Variants in LRBA observed in about 807,000 individuals in gnomAD.
LRBA encodes lipopolysaccharide-responsive and beige-like anchor protein.
LRBA carries 176 observed loss-of-function variants against 330.0 expected under a neutral mutation model. The observed-to-expected ratio is 0.53, with a 90% confidence interval of 0.47 to 0.60. The LOEUF (loss-of-function observed/expected upper bound fraction) is 0.60, where lower values mean the gene tolerates loss of function less well. LRBA is among the 20% of genes least tolerant of loss of function. The probability of loss-of-function intolerance (pLI) is 0.00; values close to 1 mark genes in which losing one functional copy is unlikely to be tolerated. For synonymous variants in LRBA, 1,230 were observed against 1,193.0 expected (o/e 1.03, Z -0.64); for missense variants, 3,259 against 3,444.8 (o/e 0.95, Z 1.35).
At chr4:150,989,873 C>G (rs1347543201) in intron 2 of LRBA, among the ~76,000 whole-genome samples, 1 of 151,818 alleles carries the variant, frequency 6.6e-6, no homozygotes, top group Non-Finnish European at 1.5e-5. Flanking sequence ...CCTGTAATCA[C>G]AGAACTTTGG....
intron 40 of LRBA, among the ~76,000 whole-genome samples, chr4:150,494,670 C>G (rs1294429232): frequency 6.6e-6 from 1 of 152,138 alleles, no homozygotes; most frequent in African/African-American, 2.4e-5. Flanking sequence ...TGTCATAGTC[C>G]TTTAAAATCT....
intron 40 of LRBA, among the ~76,000 whole-genome samples, chr4:150,558,496 T>C (rs1224241448): frequency 6.6e-6 from 1 of 152,236 alleles, no homozygotes; most frequent in African/African-American, 2.4e-5. Flanking sequence ...CCCTTTGACC[T>C]AATCCCATTA....
intron 5 of LRBA, among the ~76,000 whole-genome samples, chr4:150,918,215 C>A (rs1035181374): frequency 6.6e-6 from 1 of 152,032 alleles, no homozygotes. Context: ...AAACTGAATA[C>A]CTGATAAAGG....
intron 2 of LRBA, among the ~76,000 whole-genome samples, chr4:151,010,434 T>A (rs1744687613): frequency 6.6e-6 from 1 of 152,212 alleles, no homozygotes; most frequent in African/African-American, 2.4e-5. Flanking sequence ...GACCAGAAGT[T>A]TGAAACACTT....
intron 47 of LRBA, among the ~76,000 whole-genome samples, chr4:150,369,633 T>C (rs899237184): frequency 2.0e-4 from 30 of 152,172 alleles, no homozygotes; most frequent in African/African-American, 6.5e-4. Flanking sequence ...TGCTTACTTA[T>C]GCAGAATTTT....
intron 2 of LRBA, among the ~76,000 whole-genome samples, chr4:150,975,857 G>A (rs866562843): frequency 6.6e-6 from 1 of 152,088 alleles, no homozygotes; most frequent in Non-Finnish European, 1.5e-5. Context: ...ACATGTCACT[G>A]GAGTTCCAAA....
chr4:150,775,703 T>C (rs915499263), intron 34 of LRBA, among the ~76,000 whole-genome samples: 8 of 150,770 alleles, frequency 5.3e-5, no homozygotes, highest in Non-Finnish European at 1.5e-5. Flanking sequence ...TTCCAATGCG[T>C]TTTATGATTA....
intron 46 of LRBA, among the ~76,000 whole-genome samples, chr4:150,422,114 C>T (rs1748885675): frequency 6.6e-6 from 1 of 152,016 alleles, no homozygotes; most frequent in African/African-American, 2.4e-5. Flanking sequence ...AAACAAAAAT[C>T]AGTCGGGCAT....
chr4:150,727,067 G>GTTTTTTTTTT (rs34671398), intron 36 of LRBA, among the ~76,000 whole-genome samples: 3 of 79,528 alleles, frequency 3.8e-5, no homozygotes, highest in African/African-American at 5.3e-5. Flanking sequence ...ACATTTCGTT[G>GTTTTTTTTTT]TTTTTTTTTT....
At chr4:150,495,311 A>G (rs1040999435) in intron 40 of LRBA, among the ~76,000 whole-genome samples, 2 of 152,214 alleles carry the variant, frequency 1.3e-5, no homozygotes, top group African/African-American at 4.8e-5. Flanking sequence ...AAATGGTATC[A>G]TACTGAATGT....
At chr4:150,296,963 T>G (rs992128267) in intron 53 of LRBA, among the ~76,000 whole-genome samples, 33 of 130,636 alleles carry the variant, frequency 2.5e-4, no homozygotes, top group African/African-American at 9.7e-4. Context: ...AGAAGAATCC[T>G]ACGTTTAGTT....
intron 36 of LRBA, among the ~76,000 whole-genome samples, chr4:150,695,382 A>T (rs991962548): frequency 1.3e-5 from 2 of 152,174 alleles, no homozygotes; most frequent in African/African-American, 4.8e-5. Context: ...GAGTGCAGTG[A>T]CATGATCACA....
chr4:150,633,557 C>A (rs1484703224), intron 37 of LRBA, among the ~76,000 whole-genome samples: 1 of 152,208 alleles, frequency 6.6e-6, no homozygotes, highest in Non-Finnish European at 1.5e-5. Flanking sequence ...CGTAGTTCAT[C>A]CAGTTGTGCA....
At chr4:150,506,990 G>C (rs1178096282) in intron 40 of LRBA, among the ~76,000 whole-genome samples, 3 of 151,546 alleles carry the variant, frequency 2.0e-5, no homozygotes, top group Non-Finnish European at 4.4e-5. Context: ...GCTTCAAAGA[G>C]AATAAAATAC....
intron 47 of LRBA, among the ~76,000 whole-genome samples, chr4:150,403,125 C>A (rs1264909030): frequency 2.0e-5 from 3 of 152,246 alleles, no homozygotes; most frequent in Non-Finnish European, 4.4e-5. Flanking sequence ...ACAAAATCCA[C>A]AGCAGAGCCG....
chr4:150,602,961 A>C (rs1447887639), intron 37 of LRBA, among the ~76,000 whole-genome samples: 1 of 152,210 alleles, frequency 6.6e-6, no homozygotes, highest in Non-Finnish European at 1.5e-5. Flanking sequence ...ATCACATTAT[A>C]TACCTATACC....
intron 48 of LRBA, among the ~76,000 whole-genome samples, chr4:150,327,792 T>G (rs1031185982): frequency 1.3e-5 from 2 of 152,254 alleles, no homozygotes; most frequent in African/African-American, 4.8e-5. Flanking sequence ...TATTATTTCA[T>G]GTGGGAGTTG....
chr4:150,827,238 C>T (rs1400225776), intron 30 of LRBA, among the ~76,000 whole-genome samples: 1 of 152,138 alleles, frequency 6.6e-6, no homozygotes, highest in Admixed American at 6.6e-5. Context: ...TTCAAGACTG[C>T]TTTTAACTTC....
chr4:150,337,182 A>G (rs905686512), intron 48 of LRBA, among the ~76,000 whole-genome samples: 3 of 152,206 alleles, frequency 2.0e-5, no homozygotes, highest in Non-Finnish European at 2.9e-5. Flanking sequence ...CATGAAAAGC[A>G]GCAGTCATTG....
Sources: allele counts gnomAD v4.1 joint callset (sites outside exome capture counted in the v4.1 genomes callset), GRCh38; gene constraint gnomAD v4.1.1; transcripts MANE v1.5; gene names NCBI Gene and HGNC (gene_info 2026-07-23, HGNC 2026-07-21).